The following GRK4 variants were observed in gnomAD, a reference collection of about 807,000 sequenced individuals.
GRK4 encodes the protein G protein-coupled receptor kinase 2-like.
In GRK4, 73 loss-of-function variants were observed where a neutral mutation model predicts 77.9. The observed-to-expected ratio is 0.94, with a 90% confidence interval of 0.78 to 1.14. The LOEUF (loss-of-function observed/expected upper bound fraction) is 1.14. GRK4 is among the 50% of genes most tolerant of loss of function. GRK4 has a pLI of 0.00. For missense variants in GRK4, 729 were observed against 700.2 expected (o/e 1.04, Z -0.46); for synonymous variants, 257 against 254.4 (o/e 1.01, Z -0.10).
intron 4 of GRK4, among the ~76,000 whole-genome samples, chr4:3,002,361 T>C (rs112584431): frequency 0.021 from 3,175 of 152,154 alleles, 93 homozygotes; most frequent in African/African-American, 0.067. Context: ...CCTAGCACTT[T>C]TGTAGGCCAA....
chr4:2,984,486 A>AAATT lies in GRK4; in HGVS notation c.53-26_53-23dup, dbSNP rs765800909. 8 of 1,302,080 alleles carry AAATT rather than the reference A, an allele frequency of 6.1e-6. No individual in the cohort carries two copies. The East Asian group carries it at 1.8e-4, about 30-fold the overall frequency. 80.7% of individuals were successfully genotyped at this position (1,302,080 alleles called of 1,614,324 possible). On this transcript the variant is annotated intron_variant, in intron 1 of 15. Transcript: ENST00000398052. Reference sequence around the variant, plus strand: ...ATTGGATATTTCTGACTGTTAAAGGAAATTGCCTTTTTTCTCCCAAATTCA... The same window carrying AAATT: ...ATTGGATATTTCTGACTGTTAAAGGAAATTAATTGCCTTTTTTCTCCCAAATTCA...
chr4:2,972,880 G>A (rs1186156926), intron 1 of GRK4, among the ~76,000 whole-genome samples: 2 of 152,126 alleles, frequency 1.3e-5, no homozygotes, highest in East Asian at 3.8e-4. Flanking sequence ...GACTACAGGT[G>A]TACACTGCCA....
In GRK4 at chr4:2,999,671, T is replaced by C. The variant is rs1728962225; in HGVS notation, c.340-4560T>C. The stretch of plus-strand genomic sequence containing the variant: ...GGCCTAAATATAAGAGCTAAAACTA[T>C]ACAACTCTTAGAGGAAAGTGTAGGT... On this transcript the variant is annotated intron_variant, in intron 4 of 15. Transcript: ENST00000398052. Among the ~76,000 whole-genome samples the C allele has an allele frequency of 2.0e-5, 3 of 152,166 alleles. No individual in the cohort carries two copies. In the South Asian group the frequency reaches 6.2e-4, roughly 31 times the overall value.
intron 8 of GRK4, among the ~76,000 whole-genome samples, chr4:3,015,915 T>C (rs1199469684): frequency 7.0e-6 from 1 of 143,186 alleles, no homozygotes; most frequent in Non-Finnish European, 1.5e-5. Flanking sequence ...TCACCCTATT[T>C]TTTTTTTTTT....
intron 6 of GRK4, among the ~76,000 whole-genome samples, chr4:3,008,211 C>G (rs887609270): frequency 5.3e-5 from 8 of 152,178 alleles, no homozygotes; most frequent in Non-Finnish European, 1.5e-5. Context: ...TCTGTTCTCT[C>G]TTTTTAAAAT....
chr4:3,024,916 A>G (rs973409618), intron 10 of GRK4, among the ~76,000 whole-genome samples: 4 of 152,140 alleles, frequency 2.6e-5, no homozygotes, highest in African/African-American at 9.7e-5. Context: ...ATTTCTTTGC[A>G]GTTCTTTTAG....
chr4:2,992,380 T>G (rs2471338), intron 4 of GRK4, 88 bp downstream of exon 4: 248,253 of 854,086 alleles, frequency 0.29, 38,038 homozygotes, highest in African/African-American at 0.34. Context: ...ACGTAACATA[T>G]GTTAAAAGCT....
chr4:2,976,797 G>A (rs1372283146), intron 1 of GRK4, among the ~76,000 whole-genome samples: 3 of 152,046 alleles, frequency 2.0e-5, no homozygotes, highest in Non-Finnish European at 4.4e-5. Flanking sequence ...ATGCCACCAC[G>A]TCCGGCTAAT....
At chr4:3,038,811 G>T in intron 15 of GRK4, 1 of 302,922 alleles carries the variant, frequency 3.3e-6, no homozygotes, top group African/African-American at 2.2e-5. Flanking sequence ...CTCAGAAATC[G>T]GCATCCTGTG....
chr4:3,027,584 T>C (rs1737922673), intron 10 of GRK4, among the ~76,000 whole-genome samples: 1 of 152,200 alleles, frequency 6.6e-6, no homozygotes, highest in Non-Finnish European at 1.5e-5. Flanking sequence ...TAATATTCAT[T>C]ATATTTTTAT....
chr4:2,994,083 C>T lies in GRK4; in HGVS notation c.339+1791C>T, dbSNP rs143576119. Among the ~76,000 whole-genome samples the T allele has an allele frequency of 5.0e-3, 769 of 152,316 alleles. 4 individuals carry two copies. The highest frequency in any genetic ancestry group is 8.0e-3 in the Non-Finnish European group (546 of 68,038). Reference sequence around the variant, plus strand: ...TTCAGACCCTAATGAGTTTTCTACCCCAGCCTCCAGCCTTACAGATTACTC... The same window carrying T: ...TTCAGACCCTAATGAGTTTTCTACCTCAGCCTCCAGCCTTACAGATTACTC... On this transcript the variant is annotated intron_variant, in intron 4 of 15. Transcript: ENST00000398052.
chr4:2,981,249 T>TG (rs905315389), intron 1 of GRK4, among the ~76,000 whole-genome samples: 1 of 152,168 alleles, frequency 6.6e-6, no homozygotes, highest in Non-Finnish European at 1.5e-5. Context: ...CGTGGTGAGT[T>TG]GGGGGGTGTG....
chr4:3,008,718 G>A (rs1372713432), intron 6 of GRK4, among the ~76,000 whole-genome samples: 3 of 151,110 alleles, frequency 2.0e-5, no homozygotes, highest in Admixed American at 6.6e-5. Flanking sequence ...AGGAGAAATC[G>A]CCTGAACCCA....
intron 7 of GRK4, among the ~76,000 whole-genome samples, chr4:3,010,137 A>G (rs1732466759): frequency 6.6e-6 from 1 of 152,194 alleles, no homozygotes; most frequent in Non-Finnish European, 1.5e-5. Flanking sequence ...CCTCATACCT[A>G]CATCAAAAGG....
At chr4:2,972,542 TTC>T (rs149550794) in intron 1 of GRK4, among the ~76,000 whole-genome samples, 21 of 149,950 alleles carry the variant, frequency 1.4e-4, no homozygotes, top group Admixed American at 2.0e-4. Flanking sequence ...GGGCCCTTTC[TTC>T]TCTCTCTCTC....
chr4:2,975,388 C>A (rs564913145), intron 1 of GRK4, among the ~76,000 whole-genome samples: 1 of 152,258 alleles, frequency 6.6e-6, no homozygotes, highest in African/African-American at 2.4e-5. Context: ...CATAAAGAAC[C>A]AAATGATCTT....
chr4:2,965,621 C>T (rs1293595442), intron 1 of GRK4: 1 of 618,606 alleles, frequency 1.6e-6, no homozygotes, highest in Non-Finnish European at 2.9e-6. Flanking sequence ...AGGTGGAAGG[C>T]TCACTTGGGC....
At chr4:2,998,662 T>C (rs1728678077) in intron 4 of GRK4, among the ~76,000 whole-genome samples, 1 of 152,010 alleles carries the variant, frequency 6.6e-6, no homozygotes, top group Admixed American at 6.6e-5. Context: ...ACAACATAAG[T>C]GTAACACTTA....
At chr4:3,033,235 G>GAAAGA (rs913105421) in intron 12 of GRK4, among the ~76,000 whole-genome samples, 3 of 152,080 alleles carry the variant, frequency 2.0e-5, no homozygotes, top group African/African-American at 4.8e-5. Flanking sequence ...AAGAAAGAAA[G>GAAAGA]AAAGAAAAGA....
Sources: allele counts gnomAD v4.1 joint callset (sites outside exome capture counted in the v4.1 genomes callset), GRCh38; gene constraint gnomAD v4.1.1; transcripts MANE v1.5; gene names NCBI Gene and HGNC (gene_info 2026-07-23, HGNC 2026-07-21).